CAMTA1: variants seen among roughly 807,000 people sequenced by gnomAD.
CAMTA1 encodes the protein calmodulin-binding transcription activator 1.
Under a neutral mutation model 170.9 loss-of-function variants are expected in CAMTA1, and 27 were observed. The observed-to-expected ratio is 0.16, with a 90% CI of 0.12 to 0.22. The LOEUF is 0.22. CAMTA1 is among the 10% of genes least tolerant of loss of function. CAMTA1 has a pLI of 1.00. For missense variants in CAMTA1, 1,619 were observed against 2,217.2 expected (o/e 0.73, Z 5.42); for synonymous variants, 833 against 891.5 (o/e 0.93, Z 1.17).
intron 7 of CAMTA1, among the ~76,000 whole-genome samples, chr1:7,661,411 C>G (rs776096513): frequency 6.6e-6 from 1 of 152,234 alleles, no homozygotes; most frequent in Non-Finnish European, 1.5e-5. Context: ...ATTCCAGCAC[C>G]CCTGGAAGAG....
rs1456076587 is a variant in CAMTA1, at chr1:7,356,679, A to AC, written c.438+107056dup. Among the ~76,000 whole-genome samples the AC allele has an allele frequency of 5.6e-4, 86 of 152,272 alleles. 2 individuals are homozygous for AC. The highest frequency in any genetic ancestry group is 2.0e-3 in the African/African-American group (84 of 41,558). On this transcript the variant is annotated intron_variant, in intron 5 of 22. Transcript: ENST00000303635. Reference sequence around the variant, plus strand: ...CATGTCAGGGCTTGGCTCTGCAGGTACCCAGCCTGCCCCATTCCTGGTGGC... The same window carrying AC: ...CATGTCAGGGCTTGGCTCTGCAGGTACCCCAGCCTGCCCCATTCCTGGTGGC...
chr1:7,323,602 A>C (rs1356586013), intron 5 of CAMTA1, among the ~76,000 whole-genome samples: 1 of 141,984 alleles, frequency 7.0e-6, no homozygotes, highest in Non-Finnish European at 1.5e-5. Flanking sequence ...CGCTCACTGC[A>C]GCCTCCACTT....
chr1:7,163,827 C>T (rs1057304360), intron 4 of CAMTA1, among the ~76,000 whole-genome samples: 1 of 152,132 alleles, frequency 6.6e-6, no homozygotes, highest in Admixed American at 6.5e-5. Context: ...AGTGCCTGTG[C>T]AGGAATTCCC....
chr1:7,744,487 A>G (rs2096843126), intron 16 of CAMTA1, among the ~76,000 whole-genome samples: 1 of 152,116 alleles, frequency 6.6e-6, no homozygotes, highest in Non-Finnish European at 1.5e-5. Flanking sequence ...TGGTTATGTA[A>G]CTAATAGTGA....
intron 5 of CAMTA1, among the ~76,000 whole-genome samples, chr1:7,453,676 A>G (rs955953624): frequency 1.3e-5 from 2 of 152,254 alleles, no homozygotes; most frequent in African/African-American, 2.4e-5. Context: ...GCCATGTTGC[A>G]GGCAACAGGC....
At chr1:7,272,764 A>C (rs1378712482) in intron 5 of CAMTA1, among the ~76,000 whole-genome samples, 1 of 151,504 alleles carries the variant, frequency 6.6e-6, no homozygotes, top group Non-Finnish European at 1.5e-5. Context: ...CCATACAGAA[A>C]AAATAATTCA....
chr1:7,555,616 G>A (rs2094865365), intron 6 of CAMTA1, among the ~76,000 whole-genome samples: 1 of 22,282 alleles, frequency 4.5e-5, no homozygotes, highest in Non-Finnish European at 1.6e-4. Context: ...CCTGGAACAG[G>A]CAGGAGAAAA....
Position 7,067,713 on chromosome 1 carries a change from C to T in CAMTA1, c.235-23591C>T, listed in dbSNP as rs1202050091. The stretch of plus-strand genomic sequence containing the variant: ...TTGATGGTTTCCCCAATAGCATTCC[C>T]GTCTTATTTCTTGCCGACAGGACCT... On this transcript the variant is annotated intron_variant, in intron 3 of 22. Transcript: ENST00000303635. The surrounding 1 kb of genome is among the most constrained non-coding windows in gnomAD (Gnocchi z 4.3). Among the ~76,000 whole-genome samples the T allele has an allele frequency of 3.3e-5, 5 of 152,268 alleles. No homozygotes were observed. The East Asian group carries it at 5.8e-4, about 18-fold the overall frequency.
chr1:7,162,949 G>T (rs1040971040), intron 4 of CAMTA1, among the ~76,000 whole-genome samples: 1 of 152,078 alleles, frequency 6.6e-6, no homozygotes, highest in Non-Finnish European at 1.5e-5. Flanking sequence ...GAACGTTTTG[G>T]CAGTTCCAGA....
chr1:7,121,818 G>T (rs776482776), intron 4 of CAMTA1, among the ~76,000 whole-genome samples: 1 of 152,098 alleles, frequency 6.6e-6, no homozygotes, highest in African/African-American at 2.4e-5. Flanking sequence ...AGGGAGAGCC[G>T]CGAGGGGGGT....
intron 6 of CAMTA1, among the ~76,000 whole-genome samples, chr1:7,527,528 G>C (rs1466844875): frequency 6.6e-6 from 1 of 152,264 alleles, no homozygotes; most frequent in Non-Finnish European, 1.5e-5. Flanking sequence ...CCAGAGGCAA[G>C]AGTATAGCAC....
At chr1:7,602,005 A>AGAGGGAGAGGGAGAGGAGGGAGAG (rs2095448213) in intron 6 of CAMTA1, among the ~76,000 whole-genome samples, 4 of 118,582 alleles carry the variant, frequency 3.4e-5, no homozygotes, top group African/African-American at 3.6e-5. Context: ...AGGGAGAGGG[A>AGAGGGAGAGGGAGAGGAGGGAGAG]GAGGGAGAGG....
intron 3 of CAMTA1, among the ~76,000 whole-genome samples, chr1:6,945,292 C>T (rs921809865): frequency 3.3e-5 from 5 of 152,282 alleles, no homozygotes; most frequent in Admixed American, 3.3e-4. Context: ...TTCTGCAACA[C>T]TTTTTATAAC....
intron 4 of CAMTA1, among the ~76,000 whole-genome samples, chr1:7,122,942 T>C (rs181531299): frequency 1.3e-3 from 198 of 152,300 alleles, no homozygotes; most frequent in Non-Finnish European, 2.3e-3. Context: ...AGGCGCTCTG[T>C]AAAAGTGTGT....
intron 7 of CAMTA1, among the ~76,000 whole-genome samples, chr1:7,657,513 A>G (rs1261395473): frequency 6.6e-6 from 1 of 152,202 alleles, no homozygotes; most frequent in African/African-American, 2.4e-5. Context: ...ATGGGAGGTC[A>G]CGTGATCAAG....
At chr1:6,924,748 CT>C (rs1682752975) in intron 3 of CAMTA1, among the ~76,000 whole-genome samples, 1 of 152,312 alleles carries the variant, frequency 6.6e-6, no homozygotes, top group South Asian at 2.1e-4. Context: ...GTTTTTGCAT[CT>C]TATTGGAAGC....
At position 7,674,110 on chromosome 1, in the gene CAMTA1, C is replaced by G. The variant is rs79601494; in HGVS notation, c.2779+3073C>G. Among the ~76,000 whole-genome samples the G allele has an allele frequency of 2.5e-3, 380 of 152,312 alleles. 11 individuals carry two copies. The East Asian group carries it at 0.06, about 24-fold the overall frequency. On this transcript the variant is annotated intron_variant, in intron 10 of 22. Transcript: ENST00000303635. This position sits in a 1 kb window ranked among gnomAD's most constrained non-coding sequence, Gnocchi z 4.1. ...AGGCTCAGAGGCTTATGAGCACAAG[C>G]CAGGAACGACACGGGAGGAGGGGGC...
At chr1:7,457,028 T>G (rs2092970350) in intron 5 of CAMTA1, among the ~76,000 whole-genome samples, 3 of 132,224 alleles carry the variant, frequency 2.3e-5, no homozygotes, top group African/African-American at 9.1e-5. Context: ...CTCCCTTCCA[T>G]TTCCCCTCAC....
At chr1:7,441,890 C>G (rs2149412267) in intron 5 of CAMTA1, among the ~76,000 whole-genome samples, 1 of 152,290 alleles carries the variant, frequency 6.6e-6, no homozygotes, top group African/African-American at 2.4e-5. Flanking sequence ...GTTCTGCCTC[C>G]CCTGCCCAAA....
Sources: allele counts gnomAD v4.1 joint callset (sites outside exome capture counted in the v4.1 genomes callset), GRCh38; gene constraint gnomAD v4.1.1; non-coding constraint Gnocchi (gnomAD v3.1); transcripts MANE v1.5; gene names NCBI Gene and HGNC (gene_info 2026-07-23, HGNC 2026-07-21).